The following CRACD variants were observed in gnomAD, a reference collection of about 807,000 sequenced individuals.
CRACD encodes the protein capping protein inhibiting regulator of actin dynamics, also known as capping protein-inhibiting regulator of actin dynamics.
A neutral mutation model predicts 106.8 loss-of-function variants in CRACD; 56 were observed. That is an observed-to-expected ratio of 0.52 (90% CI 0.42 to 0.66). The LOEUF (loss-of-function observed/expected upper bound fraction) is 0.66, where lower values mean the gene tolerates loss of function less well. CRACD is among the 30% of genes least tolerant of loss of function. The probability of loss-of-function intolerance (pLI) is 0.00; values close to 1 mark genes in which losing one functional copy is unlikely to be tolerated. For missense variants in CRACD, 1,730 were observed against 1,623.2 expected (o/e 1.07, Z -1.13); for synonymous variants, 754 against 670.8 (o/e 1.12, Z -1.92).
At chr4:56,208,148 C>T (rs1340573826) in intron 2 of CRACD, among the ~76,000 whole-genome samples, 1 of 151,980 alleles carries the variant, frequency 6.6e-6, no homozygotes, top group African/African-American at 2.4e-5. Context: ...TTGGAAAAAG[C>T]TGTTCATGTC....
At chr4:56,242,829 G>A (rs1287299887) in intron 2 of CRACD, among the ~76,000 whole-genome samples, 3 of 152,142 alleles carry the variant, frequency 2.0e-5, no homozygotes, top group African/African-American at 4.8e-5. Flanking sequence ...GATAGCAGGC[G>A]AGGGAGGGTA....
intron 3 of CRACD, among the ~76,000 whole-genome samples, chr4:56,283,390 T>C (rs1299015715): frequency 6.6e-6 from 1 of 152,210 alleles, no homozygotes; most frequent in Admixed American, 6.5e-5. Flanking sequence ...CCTTCTCAAG[T>C]CAAGGTGACT....
chr4:56,253,018 AG>A (rs1159683281), intron 2 of CRACD, among the ~76,000 whole-genome samples: 3 of 152,216 alleles, frequency 2.0e-5, no homozygotes, highest in Non-Finnish European at 4.4e-5. Context: ...GCCTGACCCC[AG>A]GGTAGCAGTG....
rs1340009278 is a variant in CRACD at position 56,316,109 on chromosome 4, G to A, written c.2607G>A (p.Lys869=). ...NCDQQAEQKK[K]KRHSSTGDSA... is the part of the protein sequence containing the mutation. ...ACCAACAGGCAGAACAGAAGAAGAA[G>A]AAGAGGCACAGCAGCACCGGAGACA... The change falls in exon 8 of 11, where the codon AAG becomes AAA. Residue 869 remains lysine (K), a synonymous_variant. Coordinates refer to ENST00000682029, the MANE Select transcript of CRACD (RefSeq NM_001393381.1). The A allele has an allele frequency of 6.2e-7, 1 of 1,614,194 alleles. No homozygotes were observed. Among genetic ancestry groups the A allele is most frequent in the African/African-American group, 1.3e-5 (1 of 75,076 alleles).
chr4:56,064,532 T>G (rs1732393517), intron 1 of CRACD, among the ~76,000 whole-genome samples: 1 of 152,204 alleles, frequency 6.6e-6, no homozygotes, highest in Non-Finnish European at 1.5e-5. Context: ...GAAATTTGCC[T>G]TTTTCCAAAG....
intron 1 of CRACD, among the ~76,000 whole-genome samples, chr4:56,140,679 A>G (rs1459409856): frequency 6.6e-6 from 1 of 152,212 alleles, no homozygotes; most frequent in East Asian, 1.9e-4. Context: ...ACAATCCTGA[A>G]CAGCGTTGTC....
chr4:56,214,652 A>ACTCTCTCTCTCTCTCTCTCTCT (rs572003455), intron 2 of CRACD, among the ~76,000 whole-genome samples: 1 of 101,848 alleles, frequency 9.8e-6, no homozygotes, highest in African/African-American at 3.4e-5. Flanking sequence ...AGAGCTAGAC[A>ACTCTCTCTCTCTCTCTCTCTCT]CTCTCTCTCT....
rs921392096 is a variant in CRACD, at chr4:56,232,487, T to C, written c.-188-39834T>C. 3.3e-5 allele frequency among the ~76,000 whole-genome samples: 5 copies of C among 152,138 alleles called. No homozygotes were observed. In the East Asian group the frequency reaches 9.6e-4, roughly 29 times the overall value. ...TTTGTTGGGCATGTTTTCATTTCTC[T>C]TGGGTAAATACCTAGGAGTGAAATG... On this transcript the variant is annotated intron_variant, in intron 2 of 10. Coordinates refer to ENST00000682029, the MANE Select transcript of CRACD (RefSeq NM_001393381.1).
intron 2 of CRACD, among the ~76,000 whole-genome samples, chr4:56,203,052 C>T (rs1452354479): frequency 6.6e-6 from 1 of 152,028 alleles, no homozygotes; most frequent in Non-Finnish European, 1.5e-5. Flanking sequence ...TTTGATAATG[C>T]ATATTGCAAT....
At chr4:56,055,784 C>T (rs776145927) in intron 1 of CRACD, among the ~76,000 whole-genome samples, 15 of 152,050 alleles carry the variant, frequency 9.9e-5, no homozygotes, top group Non-Finnish European at 1.5e-4. Flanking sequence ...CTTGGGAAGA[C>T]CAGTTAGCTT....
intron 1 of CRACD, among the ~76,000 whole-genome samples, chr4:56,082,048 A>G (rs372440548): frequency 1.3e-5 from 2 of 152,236 alleles, no homozygotes; most frequent in African/African-American, 2.4e-5. Context: ...AGCAATAAGC[A>G]AAAAGTTTAT....
At chr4:56,089,820 T>C (rs549813346) in intron 1 of CRACD, among the ~76,000 whole-genome samples, 40 of 152,036 alleles carry the variant, frequency 2.6e-4, no homozygotes, top group Non-Finnish European at 5.0e-4. Context: ...GCTATAGGAT[T>C]TTATGGTCTG....
At chr4:56,313,605 G>A (rs574386671) in intron 7 of CRACD, among the ~76,000 whole-genome samples, 6 of 152,312 alleles carry the variant, frequency 3.9e-5, no homozygotes, top group African/African-American at 1.2e-4. Flanking sequence ...CTTTTGAGGG[G>A]CTCCAGACCC....
intron 2 of CRACD, among the ~76,000 whole-genome samples, chr4:56,262,299 G>A (rs1454634553): frequency 6.6e-6 from 1 of 152,180 alleles, no homozygotes; most frequent in Non-Finnish European, 1.5e-5. Flanking sequence ...ATACCTCAGC[G>A]ATCTGAAGTA....
intron 2 of CRACD, among the ~76,000 whole-genome samples, chr4:56,214,783 T>C (rs557231738): frequency 1.5e-4 from 22 of 150,788 alleles, no homozygotes; most frequent in African/African-American, 5.4e-4. Context: ...GAGGCCAAGG[T>C]AGGCAAATCA....
At chr4:56,253,083 A>T (rs780090358) in intron 2 of CRACD, among the ~76,000 whole-genome samples, 1 of 152,168 alleles carries the variant, frequency 6.6e-6, no homozygotes, top group Non-Finnish European at 1.5e-5. Context: ...TTCATTCTCC[A>T]TGAGCATGTT....
At position 56,235,817 on chromosome 4, in the gene CRACD, C is replaced by T. The variant is rs143217130; in HGVS notation, c.-188-36504C>T. 7.1e-3 allele frequency among the ~76,000 whole-genome samples: 1,083 copies of T among 152,264 alleles called. 10 individuals are homozygous for T. Among genetic ancestry groups the T allele is most frequent in the African/African-American group, 0.025 (1,029 of 41,564 alleles). On this transcript the variant is annotated intron_variant, in intron 2 of 10. Coordinates refer to ENST00000682029, the MANE Select transcript of CRACD (RefSeq NM_001393381.1). The stretch of plus-strand genomic sequence containing the variant: ...CAGGAAAAGAGAAAACTACATGTAT[C>T]TATATCTGCGTAGATGCACATACAA...
At chr4:56,154,128 A>G (rs1368358742) in intron 1 of CRACD, among the ~76,000 whole-genome samples, 1 of 152,176 alleles carries the variant, frequency 6.6e-6, no homozygotes, top group Admixed American at 6.5e-5. Context: ...CATTTGCCTA[A>G]AGGAGGATCT....
chr4:56,324,260 G>A lies in CRACD; in HGVS notation c.3535G>A (p.Val1179Met), dbSNP rs536309229. ...LKKANTLPTS[V>M]TVEISDSAPP... ...AAAGGCCAATACTCTTCCTACGTCT[G>A]TGACAGGTAGAGAGCAGGTCCATTG... The change falls in exon 10 of 11, where the codon GTG (valine) becomes ATG (methionine). Residue 1179 changes from valine to methionine, a missense_variant. Physicochemically the swap from Val to Met is conservative, Grantham distance 21. Around this residue, in one of 5 missense-constraint regions of CRACD, gnomAD observed 89 missense variants for 89.6 expected, o/e 0.99. Transcript: ENST00000682029. 5.9e-5 allele frequency: 95 copies of A among 1,612,782 alleles called. 1 individual carries two copies. Among genetic ancestry groups the A allele is most frequent in the South Asian group, 2.2e-4 (20 of 90,762 alleles).
Sources: allele counts gnomAD v4.1 joint callset (sites outside exome capture counted in the v4.1 genomes callset), GRCh38; gene constraint gnomAD v4.1.1; regional missense constraint gnomAD v4.1.1; transcripts MANE v1.5; gene names NCBI Gene and HGNC (gene_info 2026-07-23, HGNC 2026-07-21).